The following LOXHD1 variants were observed in gnomAD, a reference collection of about 807,000 sequenced individuals.
The protein encoded by LOXHD1 is lipoxygenase homology domain-containing protein 1.
In LOXHD1, 205 loss-of-function variants were observed where a neutral mutation model predicts 248.2. The ratio of observed to expected loss-of-function variants is 0.83; its 90% confidence interval spans 0.74 to 0.93. The LOEUF (loss-of-function observed/expected upper bound fraction) is 0.93. LOXHD1 is among the 40% of genes least tolerant of loss of function. The probability of loss-of-function intolerance (pLI) is 0.00; values close to 1 mark genes in which losing one functional copy is unlikely to be tolerated. For synonymous variants in LOXHD1, 1,113 were observed against 1,162.8 expected (o/e 0.96, Z 0.87); for missense variants, 2,930 against 2,971.6 (o/e 0.99, Z 0.33).
chr18:46,542,761 G>T lies in LOXHD1; in HGVS notation c.3714C>A (p.Asp1238Glu), dbSNP rs199987058. Residue 1238 changes from aspartate (D) to glutamate (E), a missense_variant, in exon 24 of 41, where the codon GAC becomes GAA. Physicochemically the swap from Asp to Glu is conservative, Grantham distance 45. Coordinates refer to ENST00000642948, the MANE Select transcript of LOXHD1 (RefSeq NM_001384474.1). ...CATGGCCAAGCCGGACTTTCCACAG[G>T]TCTCCCAGATCCAGCGTCTCCACCG... The part of the protein sequence containing the change: ...IFTVETLDLG[D>E]LWKVRLGHDN... 57 of 1,551,608 alleles carry T rather than the reference G, an allele frequency of 3.7e-5. 1 individual carries two copies. The Middle Eastern group carries it at 3.2e-3, about 86-fold the overall frequency.
chr18:46,563,119 G>T lies in LOXHD1; in HGVS notation c.2544C>A (p.Leu848=). 1 of 1,546,912 alleles carries T rather than the reference G, an allele frequency of 6.5e-7. No homozygotes were observed. The highest frequency in any genetic ancestry group is 8.7e-7 in the Non-Finnish European group (1 of 1,142,912). The change falls in exon 18 of 41, where the codon CTC becomes CTA. Residue 848 remains leucine (L), a synonymous_variant. Coordinates refer to ENST00000642948, the MANE Select transcript of LOXHD1 (RefSeq NM_001384474.1). ...IYGEKGKTEV[L]FLSSRSKVFE... ...AAACTTTTGAGCGGCTGGAGAGGAA[G>T]AGCACTTCTGTCTTGCCTTTCTCTC...
intron 18 of LOXHD1, among the ~76,000 whole-genome samples, chr18:46,562,467 C>A (rs1318945654): frequency 1.3e-5 from 2 of 152,228 alleles, no homozygotes; most frequent in Admixed American, 1.3e-4. Flanking sequence ...ACCATGCCCA[C>A]ATTCTTATCT....
At position 46,493,392 on chromosome 18, in the gene LOXHD1, C is replaced by T. The variant is rs1402181542; in HGVS notation, c.5879-4250G>A. Among the ~76,000 whole-genome samples the T allele has an allele frequency of 2.6e-5, 4 of 152,204 alleles. No homozygotes were observed. In the East Asian group the frequency reaches 7.7e-4, roughly 29 times the overall value. Reference sequence around the variant, plus strand: ...TGAAATAAGTTTGTCTTTGTTTTCTCATATATTGTATAGTTTGTCTTCTTC... The same window carrying T: ...TGAAATAAGTTTGTCTTTGTTTTCTTATATATTGTATAGTTTGTCTTCTTC... On this transcript the variant is annotated intron_variant, in intron 37 of 40. Transcript: ENST00000642948.
In LOXHD1 at chr18:46,569,618, A is replaced by G. The variant is rs1237532959; in HGVS notation, c.2068T>C (p.Leu690=). Residue 690 remains leucine, a synonymous_variant, in exon 16 of 41, where the codon TTG becomes CTG. Transcript: ENST00000642948. ...GCCCCAGAGACATCCCCAGTCTTCA[A>G]GCTGATGTGATAGCGAAAGTCTGAA... is the stretch of plus-strand genomic sequence containing the variant. The part of the protein sequence containing the change: ...TLKNFRYHIS[L]KTGDVSGAST... 6.4e-7 allele frequency: 1 copy of G among 1,551,086 alleles called. No individual in the cohort carries two copies. The highest frequency in any genetic ancestry group is 8.7e-7 in the Non-Finnish European group (1 of 1,146,558).
At chr18:46,647,340 G>C (rs778045995) in intron 2 of LOXHD1, among the ~76,000 whole-genome samples, 4 of 152,186 alleles carry the variant, frequency 2.6e-5, no homozygotes, top group Admixed American at 6.5e-5. Context: ...GTGGCTCAGG[G>C]GCCCTTCCTG....
At chr18:46,576,089 G>A (rs1568195955) in intron 14 of LOXHD1, among the ~76,000 whole-genome samples, 2 of 152,128 alleles carry the variant, frequency 1.3e-5, no homozygotes, top group South Asian at 2.1e-4. Flanking sequence ...TTTCCTCCAC[G>A]CCACTCTTCA....
At chr18:46,565,138 C>T (rs868242532) in intron 17 of LOXHD1, among the ~76,000 whole-genome samples, 7 of 152,098 alleles carry the variant, frequency 4.6e-5, no homozygotes, top group African/African-American at 1.4e-4. Flanking sequence ...GGGGCATACA[C>T]CTGTAGTCCC....
chr18:46,616,191 A>G (rs1220212481), intron 5 of LOXHD1, among the ~76,000 whole-genome samples: 3 of 152,212 alleles, frequency 2.0e-5, no homozygotes, highest in African/African-American at 4.8e-5. Flanking sequence ...GCTATTAGCC[A>G]TGCTTTTTCT....
chr18:46,647,509 G>A (rs2039047037), intron 2 of LOXHD1, among the ~76,000 whole-genome samples: 1 of 152,210 alleles, frequency 6.6e-6, no homozygotes, highest in Non-Finnish European at 1.5e-5. Context: ...CGACTCCCTA[G>A]TGTTTGAGGC....
At chr18:46,545,690 C>G (rs1319828509) in intron 22 of LOXHD1, among the ~76,000 whole-genome samples, 1 of 125,198 alleles carries the variant, frequency 8.0e-6, no homozygotes, top group African/African-American at 3.3e-5. Context: ...AGTGCAGTGG[C>G]GGGATCTCGG....
intron 18 of LOXHD1, among the ~76,000 whole-genome samples, chr18:46,562,067 A>T (rs1252921142): frequency 6.6e-6 from 1 of 152,218 alleles, no homozygotes; most frequent in East Asian, 1.9e-4. Flanking sequence ...CATTACAGGG[A>T]CTGTGAAGCC....
chr18:46,604,023 G>C, intron 7 of LOXHD1, 83 bp downstream of exon 7: 2 of 1,519,428 alleles, frequency 1.3e-6, no homozygotes, highest in Non-Finnish European at 1.8e-6. Flanking sequence ...TTGATCACAG[G>C]CCTCCAGCCC....
chr18:46,554,864 G>A (rs1258548575), intron 21 of LOXHD1, among the ~76,000 whole-genome samples: 1 of 152,170 alleles, frequency 6.6e-6, no homozygotes, highest in East Asian at 1.9e-4. Flanking sequence ...ATGGAAAAGT[G>A]TACCGGAGGG....
chr18:46,539,363 A>T lies in LOXHD1; in HGVS notation c.3914-1026T>A, dbSNP rs538026479. On this transcript the variant is annotated intron_variant, in intron 25 of 40. Transcript: ENST00000642948. ...GTAGCCCCAGCTACTTGGGAGGCTG[A>T]GGCAGGATAATTGCTTGAACCTGGG... 9.8e-5 allele frequency among the ~76,000 whole-genome samples: 15 copies of T among 152,292 alleles called. No homozygotes were observed. In the South Asian group the frequency reaches 2.9e-3, roughly 29 times the overall value.
At chr18:46,560,022 C>A in intron 19 of LOXHD1, 61 bp downstream of exon 19, 1 of 1,504,188 alleles carries the variant, frequency 6.6e-7, no homozygotes, top group South Asian at 1.3e-5. Context: ...CCCAGTGGGC[C>A]CCCTTTAGGG....
chr18:46,590,744 G>A (rs1019457366), intron 12 of LOXHD1, among the ~76,000 whole-genome samples: 1 of 152,168 alleles, frequency 6.6e-6, no homozygotes, highest in African/African-American at 2.4e-5. Context: ...ACTGAACCAG[G>A]AAGCAAGAGA....
At position 46,540,194 on chromosome 18, in the gene LOXHD1, C is replaced by A. The variant is rs138207043; in HGVS notation, c.3913+1582G>T. ...ACTTGCCCAAAGTCACATGGTAGAA[C>A]TTGAACTCAAACCCAGGCTTGCCTG... On this transcript the variant is annotated intron_variant, in intron 25 of 40. Transcript: ENST00000642948. Among the ~76,000 whole-genome samples the A allele has an allele frequency of 5.9e-5, 9 of 152,318 alleles. No homozygotes were observed. The East Asian group carries it at 1.7e-3, about 29-fold the overall frequency.
intron 19 of LOXHD1, 24 bp downstream of exon 19, chr18:46,560,059 C>T (rs2037482114): frequency 7.2e-7 from 1 of 1,392,884 alleles, no homozygotes; most frequent in Non-Finnish European, 9.7e-7. Context: ...CCCTCCCCAC[C>T]CCCACCCCCC....
chr18:46,560,212 CCTCCTCTTCCTCCTCTTCTTCCAT>C lies in LOXHD1; in HGVS notation c.2908_2931del (p.Met970_Glu977del), dbSNP rs1568184999. On this transcript the variant is annotated inframe_deletion, in exon 19 of 41. Transcript: ENST00000642948. ...ACCTCCTGCATCCCCGGCCCAAACT[CCTCCTCTTCCTCCTCTTCTTCCAT>C]CTCCTCCTCCTCTGACGAGGACTCC... 6.4e-7 allele frequency: 1 copy of C among 1,551,748 alleles called. No homozygotes were observed. Among genetic ancestry groups the C allele is most frequent in the Admixed American group, 2.0e-5 (1 of 51,006 alleles).
Sources: gnomAD v4.1 joint callset for allele counts (sites outside exome capture counted in the v4.1 genomes callset) on GRCh38, gnomAD v4.1.1 for gene constraint, MANE v1.5 for transcripts, NCBI Gene and HGNC (gene_info 2026-07-23, HGNC 2026-07-21) for gene names.